The following RORB variants were observed in gnomAD, a reference collection of about 807,000 sequenced individuals.
RORB encodes nuclear receptor ROR-beta.
In RORB, 6 loss-of-function variants were observed where a neutral mutation model predicts 59.1. That is an observed-to-expected ratio of 0.10 (90% CI 0.06 to 0.20). The LOEUF is 0.20. Among genes scored for constraint, RORB ranks in the 10% least tolerant of loss-of-function variants. RORB has a pLI of 1.00. For missense variants in RORB, 320 were observed against 560.5 expected (o/e 0.57, Z 4.33); for synonymous variants, 215 against 204.5 (o/e 1.05, Z -0.44).
At chr9:74,552,445 G>T (rs983662223) in intron 1 of RORB, among the ~76,000 whole-genome samples, 2 of 152,096 alleles carry the variant, frequency 1.3e-5, no homozygotes, top group South Asian at 2.1e-4. Context: ...TTCCTCCTTT[G>T]TGAAATGTGG....
Position 74,634,625 on chromosome 9 carries a change from C to A in RORB, c.94-6C>A. Reference sequence around the variant, plus strand: ...TGTTTCCCTCCCCTTCTCTTTTTCCCTCAAGGGATTCTTTAGGAGGAGCCA... The same window carrying A: ...TGTTTCCCTCCCCTTCTCTTTTTCCATCAAGGGATTCTTTAGGAGGAGCCA... On this transcript the variant is annotated splice_polypyrimidine_tract_variant and splice_region_variant and intron_variant, in intron 2 of 9. Coordinates refer to ENST00000376896, the MANE Select transcript of RORB (RefSeq NM_006914.4). 6.3e-7 allele frequency: 1 copy of A among 1,599,970 alleles called. No individual in the cohort carries two copies. The highest frequency in any genetic ancestry group is 2.2e-5 in the East Asian group (1 of 44,578).
At chr9:74,615,515 T>C (rs542637549) in intron 1 of RORB, 2 of 370,008 alleles carry the variant, frequency 5.4e-6, no homozygotes, top group Admixed American at 6.3e-5. Context: ...GGATTGAAGT[T>C]GTGGGTTAAC....
intron 1 of RORB, among the ~76,000 whole-genome samples, chr9:74,532,687 A>T (rs1374069013): frequency 2.0e-5 from 3 of 150,268 alleles, no homozygotes; most frequent in Non-Finnish European, 4.4e-5. Flanking sequence ...CGTATTATAT[A>T]TAACTTATAC....
intron 1 of RORB, among the ~76,000 whole-genome samples, chr9:74,501,557 G>A (rs1271069195): frequency 6.6e-6 from 1 of 152,118 alleles, no homozygotes; most frequent in Non-Finnish European, 1.5e-5. Context: ...TCAGTAAGCT[G>A]TCTTCATTCC....
At chr9:74,630,170 C>A in intron 1 of RORB, 112 bp from the exon 2 acceptor site, 2 of 1,421,726 alleles carry the variant, frequency 1.4e-6, no homozygotes, top group South Asian at 1.6e-5. Flanking sequence ...GCTCACACCC[C>A]AGTATTTTCA....
At chr9:74,530,350 C>T (rs1826217579) in intron 1 of RORB, among the ~76,000 whole-genome samples, 1 of 151,984 alleles carries the variant, frequency 6.6e-6, no homozygotes, top group Non-Finnish European at 1.5e-5. Flanking sequence ...TAAAGTGAAG[C>T]CAGTATCTGT....
chr9:74,515,076 A>G (rs1825989560), intron 1 of RORB, among the ~76,000 whole-genome samples: 1 of 148,470 alleles, frequency 6.7e-6, no homozygotes, highest in South Asian at 2.2e-4. Flanking sequence ...AAATCAACAA[A>G]CATCTGGTGT....
intron 1 of RORB, among the ~76,000 whole-genome samples, chr9:74,512,304 A>G (rs1825949984): frequency 1.3e-5 from 2 of 152,208 alleles, no homozygotes; most frequent in African/African-American, 4.8e-5. Context: ...ATACAAGATG[A>G]ATGATGAATT....
chr9:74,497,677 C>A lies in RORB; in HGVS notation c.-300C>A, dbSNP rs1325074812. On this transcript the variant is annotated 5_prime_UTR_variant, in exon 1 of 10. Coordinates refer to ENST00000376896, the MANE Select transcript of RORB (RefSeq NM_006914.4). The stretch of plus-strand genomic sequence containing the variant: ...GAGAGAAAGAAAAAGAAAAACAAAA[C>A]CAAAACAAAACCCAGGCACCAGACA... The A allele has an allele frequency of 1.9e-5, 9 of 475,720 alleles. No individual in the cohort carries two copies. In the South Asian group the frequency reaches 2.9e-4, roughly 16 times the overall value. 29.5% of individuals were successfully genotyped at this position (475,720 alleles called of 1,614,324 possible).
chr9:74,499,306 C>T (rs987504200), intron 1 of RORB, among the ~76,000 whole-genome samples: 1 of 152,174 alleles, frequency 6.6e-6, no homozygotes, highest in African/African-American at 2.4e-5. Flanking sequence ...GAAAGTGATC[C>T]TCTCCCACCC....
At chr9:74,675,383 G>A (rs909929620) in intron 9 of RORB, among the ~76,000 whole-genome samples, 2 of 151,710 alleles carry the variant, frequency 1.3e-5, no homozygotes, top group African/African-American at 4.8e-5. Context: ...AGAGGAGGCA[G>A]CCCATCTGTT....
intron 1 of RORB, among the ~76,000 whole-genome samples, chr9:74,507,059 A>G (rs1272809043): frequency 2.0e-5 from 3 of 152,046 alleles, no homozygotes; most frequent in Non-Finnish European, 4.4e-5. Context: ...AGTTTTCTGG[A>G]CAATCATTCA....
chr9:74,622,427 G>T (rs1420183791), intron 1 of RORB, among the ~76,000 whole-genome samples: 4 of 151,868 alleles, frequency 2.6e-5, no homozygotes, highest in Non-Finnish European at 4.4e-5. Context: ...AGATCCTGAG[G>T]GGTAAATTAT....
At chr9:74,532,684 T>C (rs111461167) in intron 1 of RORB, among the ~76,000 whole-genome samples, 5 of 150,264 alleles carry the variant, frequency 3.3e-5, no homozygotes, top group Non-Finnish European at 7.4e-5. Context: ...ATACGTATTA[T>C]ATATAACTTA....
chr9:74,574,591 T>C (rs1272667789), intron 1 of RORB, among the ~76,000 whole-genome samples: 3 of 152,076 alleles, frequency 2.0e-5, no homozygotes, highest in Non-Finnish European at 4.4e-5. Flanking sequence ...CCATCCACAT[T>C]ATAGTGCAAC....
intron 1 of RORB, among the ~76,000 whole-genome samples, chr9:74,620,676 G>A (rs1176919970): frequency 1.3e-5 from 2 of 152,018 alleles, no homozygotes; most frequent in African/African-American, 4.8e-5. Flanking sequence ...TTCTCTTGTG[G>A]GCATTTAGTG....
At chr9:74,533,104 C>T (rs998865615) in intron 1 of RORB, among the ~76,000 whole-genome samples, 2 of 151,832 alleles carry the variant, frequency 1.3e-5, no homozygotes, top group Non-Finnish European at 1.5e-5. Context: ...TTACTCATTA[C>T]ACCACCTGCT....
chr9:74,502,946 C>CA (rs946655441), intron 1 of RORB, among the ~76,000 whole-genome samples: 5 of 150,498 alleles, frequency 3.3e-5, no homozygotes, highest in South Asian at 2.1e-4. Context: ...TCTACAAAGA[C>CA]AAAAAAAAGT....
chr9:74,673,491 G>T (rs1407830051), intron 9 of RORB, among the ~76,000 whole-genome samples: 1 of 152,034 alleles, frequency 6.6e-6, no homozygotes, highest in Non-Finnish European at 1.5e-5. Context: ...TGTGTTGTGA[G>T]GTTCAAATGA....
Sources: gnomAD v4.1 joint callset for allele counts (sites outside exome capture counted in the v4.1 genomes callset) on GRCh38, gnomAD v4.1.1 for gene constraint, MANE v1.5 for transcripts, NCBI Gene and HGNC (gene_info 2026-07-23, HGNC 2026-07-21) for gene names.